The following ZEB1 variants were observed in gnomAD, a reference collection of about 807,000 sequenced individuals.
ZEB1 encodes zinc finger E-box binding homeobox 1.
In ZEB1, 21 loss-of-function variants were observed where a neutral mutation model predicts 84.9. That is an observed-to-expected ratio of 0.25 (90% CI 0.18 to 0.36). ZEB1 has a LOEUF of 0.36. Ranked by LOEUF, ZEB1 falls within the 10% of genes least tolerant of loss-of-function variation. The pLI is 1.00. For synonymous variants in ZEB1, 420 were observed against 471.1 expected, an observed-to-expected ratio of 0.89 and a Z score of 1.41; for missense variants, 1,104 against 1,330.2, an observed-to-expected ratio of 0.83 and a Z score of 2.65.
intron 2 of ZEB1, among the ~76,000 whole-genome samples, chr10:31,469,296 G>C (rs1222376495): frequency 1.3e-5 from 2 of 152,304 alleles, no homozygotes; most frequent in East Asian, 3.9e-4. Context: ...TTCCATCTGA[G>C]GTACCGGGTT....
rs552634123 is a variant in ZEB1, at chr10:31,470,153, C to T, written c.259+8916C>T. ...AAAGTGGAAACTCTAAAAAGCAGAGCGCCTCTCCTCCTCCAAAGGAACGCA... is the reference window on the plus strand; with the variant it reads ...AAAGTGGAAACTCTAAAAAGCAGAGTGCCTCTCCTCCTCCAAAGGAACGCA... On this transcript the variant is annotated intron_variant, in intron 2 of 8. Transcript: ENST00000424869. Among the ~76,000 whole-genome samples the T allele has an allele frequency of 2.8e-4, 42 of 152,258 alleles. No individual in the cohort carries two copies. In the South Asian group the frequency reaches 6.2e-3, roughly 23 times the overall value.
rs2044368518 is a variant in ZEB1, at chr10:31,365,861, A to G, written c.58+46569A>G. On this transcript the variant is annotated intron_variant, in intron 1 of 8. Coordinates refer to ENST00000424869, the MANE Select transcript of ZEB1 (RefSeq NM_001174096.2). ...ATCAGCTATATCGAAATACATTTGT[A>G]TGCTCTACTGAATATAGGGAACATA... is the stretch of plus-strand genomic sequence containing the variant. 2.6e-5 allele frequency among the ~76,000 whole-genome samples: 4 copies of G among 152,360 alleles called. 1 individual carries two copies. The South Asian group carries it at 8.3e-4, about 32-fold the overall frequency.
At chr10:31,327,095 TTTTC>T (rs1358651197) in intron 1 of ZEB1, among the ~76,000 whole-genome samples, 6 of 140,314 alleles carry the variant, frequency 4.3e-5, no homozygotes, top group East Asian at 4.5e-4. Context: ...TTTTCTTTTC[TTTTC>T]TTTTTTTTTT....
chr10:31,371,834 T>C (rs1041238034), intron 1 of ZEB1, among the ~76,000 whole-genome samples: 3 of 152,206 alleles, frequency 2.0e-5, no homozygotes, highest in African/African-American at 7.2e-5. Context: ...TCAGTGTTAT[T>C]AACTCAAAGA....
intron 1 of ZEB1, among the ~76,000 whole-genome samples, chr10:31,370,909 G>T (rs1475879259): frequency 6.6e-6 from 1 of 152,086 alleles, no homozygotes; most frequent in African/African-American, 2.4e-5. Flanking sequence ...TGCGGAGACT[G>T]GGTGTTGCTT....
At chr10:31,511,955 T>C (rs181082365) in intron 5 of ZEB1, among the ~76,000 whole-genome samples, 1 of 152,126 alleles carries the variant, frequency 6.6e-6, no homozygotes, top group East Asian at 1.9e-4. Context: ...AGAACCAAGA[T>C]TTTATAGGTT....
At chr10:31,474,408 A>G (rs1389920305) in intron 2 of ZEB1, among the ~76,000 whole-genome samples, 1 of 152,210 alleles carries the variant, frequency 6.6e-6, no homozygotes, top group Non-Finnish European at 1.5e-5. Flanking sequence ...AAGGACATGA[A>G]CAGACACTTC....
chr10:31,414,403 A>C (rs1195802751), intron 1 of ZEB1, among the ~76,000 whole-genome samples: 1 of 152,106 alleles, frequency 6.6e-6, no homozygotes, highest in Non-Finnish European at 1.5e-5. Context: ...TCCTCATGAA[A>C]TTGATTGTCA....
At chr10:31,323,860 C>T (rs114252551) in intron 1 of ZEB1, among the ~76,000 whole-genome samples, 2,436 of 151,904 alleles carry the variant, frequency 0.016, 55 homozygotes, top group African/African-American at 0.056. Context: ...GCATCAATAT[C>T]AGTACCGTAA....
In ZEB1 at chr10:31,393,098, A is replaced by T. The variant is rs201800381; in HGVS notation, c.59-67939A>T. ...AGCGATCCTCCCACCTTGGTCTCCC[A>T]AAGAGCTGGGACTATCAGGCATGAG... On this transcript the variant is annotated intron_variant, in intron 1 of 8. Transcript: ENST00000424869. Among the ~76,000 whole-genome samples, 5 of 152,200 alleles carry T rather than the reference A, an allele frequency of 3.3e-5. No homozygotes were observed. The East Asian group carries it at 9.6e-4, about 29-fold the overall frequency.
intron 1 of ZEB1, among the ~76,000 whole-genome samples, chr10:31,426,432 C>T (rs767835807): frequency 6.4e-4 from 97 of 152,144 alleles, no homozygotes; most frequent in Non-Finnish European, 7.9e-4. Context: ...TTTTGGCCTT[C>T]TCAGACACTT....
chr10:31,440,916 C>G (rs545197327), intron 1 of ZEB1, among the ~76,000 whole-genome samples: 2 of 152,234 alleles, frequency 1.3e-5, no homozygotes, highest in Non-Finnish European at 2.9e-5. Flanking sequence ...AGGATACAAA[C>G]AAATGGAAGA....
At chr10:31,394,439 G>A (rs150575055) in intron 1 of ZEB1, among the ~76,000 whole-genome samples, 6 of 152,034 alleles carry the variant, frequency 3.9e-5, no homozygotes, top group East Asian at 1.9e-4. Flanking sequence ...ATACTGCTTC[G>A]TGAATTTTCA....
intron 5 of ZEB1, among the ~76,000 whole-genome samples, chr10:31,514,166 C>T (rs898068132): frequency 6.6e-6 from 1 of 151,944 alleles, no homozygotes; most frequent in Non-Finnish European, 1.5e-5. Context: ...TATTCAGGAC[C>T]TTGTTCTGTT....
chr10:31,471,794 T>G (rs1019045984), intron 2 of ZEB1, among the ~76,000 whole-genome samples: 1 of 142,416 alleles, frequency 7.0e-6, no homozygotes, highest in African/African-American at 2.9e-5. Context: ...ATTCCAAAAT[T>G]GACCACATAC....
chr10:31,501,625 C>T (rs987179696), intron 3 of ZEB1, among the ~76,000 whole-genome samples: 1 of 151,904 alleles, frequency 6.6e-6, no homozygotes, highest in East Asian at 1.9e-4. Flanking sequence ...TAGAGCTCCC[C>T]CCCCCATTAT....
intron 1 of ZEB1, chr10:31,363,741 C>G: frequency 8.2e-7 from 1 of 1,217,190 alleles, no homozygotes; most frequent in Non-Finnish European, 1.2e-6. Context: ...GCACGGGTTT[C>G]TTCCTTGAGG....
In ZEB1 at chr10:31,367,073, T is replaced by C. The variant is rs180902660; in HGVS notation, c.58+47781T>C. 1.9e-3 allele frequency among the ~76,000 whole-genome samples: 294 copies of C among 152,286 alleles called. 1 individual carries two copies. The highest frequency in any genetic ancestry group is 6.4e-3 in the African/African-American group (266 of 41,552). ...TGTTGAGCCCGGGACCTCTTACTTA[T>C]TTCTGTATCCTATCTACTCTTGAGT... On this transcript the variant is annotated intron_variant, in intron 1 of 8. Transcript: ENST00000424869.
chr10:31,409,212 G>GT (rs1253985719), intron 1 of ZEB1, among the ~76,000 whole-genome samples: 1 of 152,156 alleles, frequency 6.6e-6, no homozygotes, highest in Admixed American at 6.5e-5. Context: ...TTTCACACCA[G>GT]TTAGAATGGC....
Sources: allele counts gnomAD v4.1 joint callset (sites outside exome capture counted in the v4.1 genomes callset), GRCh38; gene constraint gnomAD v4.1.1; transcripts MANE v1.5; gene names NCBI Gene and HGNC (gene_info 2026-07-23, HGNC 2026-07-21).